LRRC37A2: variants seen among roughly 807,000 people sequenced by gnomAD.
The protein encoded by LRRC37A2 is leucine-rich repeat-containing protein 37A2.
A neutral mutation model predicts 68.8 loss-of-function variants in LRRC37A2; 9 were observed. The observed-to-expected ratio is 0.13, with a 90% CI of 0.08 to 0.23. LRRC37A2 has a LOEUF of 0.23. Among genes scored for constraint, LRRC37A2 ranks in the 10% least tolerant of loss-of-function variants. The pLI, the probability that LRRC37A2 is intolerant of heterozygous loss-of-function variation, is 1.00. For missense variants in LRRC37A2, 168 were observed against 950.4 expected (o/e 0.18, Z 10.82); for synonymous variants, 63 against 367.6 (o/e 0.17, Z 9.48).
chr17:47,019,507 C>T, the LRRC37A2 span: 7 of 1,544,156 alleles, frequency 4.5e-6, no homozygotes, highest in Non-Finnish European at 6.3e-6. Flanking sequence ...CTGGAGAAGA[C>T]TACAGCTCCT....
chr17:47,006,124 A>G, the LRRC37A2 span, among the ~76,000 whole-genome samples: 3 of 151,920 alleles, frequency 2.0e-5, no homozygotes, highest in South Asian at 2.1e-4. Context: ...GTGGGCCAAG[A>G]TTGCACCATT....
chr17:46,879,254 TC>T, the LRRC37A2 span, among the ~76,000 whole-genome samples: 1 of 152,022 alleles, frequency 6.6e-6, no homozygotes, highest in African/African-American at 2.4e-5. Context: ...CCTGACCGGG[TC>T]CCCCACTGAG....
the LRRC37A2 span, among the ~76,000 whole-genome samples, chr17:46,739,467 A>T: frequency 6.7e-6 from 1 of 149,430 alleles, no homozygotes; most frequent in Non-Finnish European, 1.5e-5. Context: ...TGAGCCCAGG[A>T]GGTCGAGGCT....
chr17:46,974,037 T>A, the LRRC37A2 span, among the ~76,000 whole-genome samples: 2 of 152,148 alleles, frequency 1.3e-5, no homozygotes, highest in South Asian at 4.1e-4. Flanking sequence ...GACAAGTAAG[T>A]AAGAAAGTAA....
At chr17:46,971,033 T>A in the LRRC37A2 span, among the ~76,000 whole-genome samples, 1 of 152,350 alleles carries the variant, frequency 6.6e-6, no homozygotes, top group Non-Finnish European at 1.5e-5. Flanking sequence ...TTTGTTGCTA[T>A]AAATGTTAAT....
At chr17:46,812,193 G>T in the LRRC37A2 span, among the ~76,000 whole-genome samples, 1 of 152,060 alleles carries the variant, frequency 6.6e-6, no homozygotes, top group African/African-American at 2.4e-5. Context: ...CTCTCACTGA[G>T]AGCAGGGAAT....
chr17:46,827,896 G>A, the LRRC37A2 span, among the ~76,000 whole-genome samples: 4 of 149,910 alleles, frequency 2.7e-5, no homozygotes, highest in African/African-American at 7.4e-5. Flanking sequence ...TGCAAGCTCC[G>A]CGCCCCAGGT....
chr17:46,868,778 A>C, the LRRC37A2 span, among the ~76,000 whole-genome samples: 2 of 152,152 alleles, frequency 1.3e-5, no homozygotes, highest in African/African-American at 4.8e-5. Flanking sequence ...CAGGGCTGGG[A>C]TGCCAAACAG....
At chr17:46,767,936 C>T in the LRRC37A2 span, among the ~76,000 whole-genome samples, 1 of 152,058 alleles carries the variant, frequency 6.6e-6, no homozygotes, top group African/African-American at 2.4e-5. Flanking sequence ...TTACAGGCAC[C>T]TGCCACAACG....
chr17:46,605,429 CAA>C, the LRRC37A2 span, among the ~76,000 whole-genome samples: 2 of 127,232 alleles, frequency 1.6e-5, no homozygotes, highest in African/African-American at 6.0e-5. Context: ...GCCTGGGCAA[CAA>C]GAGCAAAACT....
the LRRC37A2 span, among the ~76,000 whole-genome samples, chr17:47,036,375 GA>G: frequency 1.3e-5 from 2 of 151,542 alleles, no homozygotes; most frequent in Non-Finnish European, 2.9e-5. Flanking sequence ...TGTTTTAAAA[GA>G]AAAAAAATCC....
the LRRC37A2 span, among the ~76,000 whole-genome samples, chr17:46,746,894 C>G: frequency 6.6e-6 from 1 of 152,054 alleles, no homozygotes; most frequent in East Asian, 1.9e-4. Context: ...TGGAGAGGTG[C>G]CATACTACAA....
At chr17:46,398,102 G>T in the LRRC37A2 span, among the ~76,000 whole-genome samples, 4,852 of 83,682 alleles carry the variant, frequency 0.058, 36 homozygotes, top group African/African-American at 0.15. Context: ...TCCAGCCTGG[G>T]TGATAAAGCC....
At chr17:46,750,008 C>T in the LRRC37A2 span, 1 of 1,322,950 alleles carries the variant, frequency 7.6e-7, no homozygotes, top group South Asian at 1.4e-5. Context: ...TTATGCTAAT[C>T]TGGAACATGG....
At chr17:46,963,758 G>C in the LRRC37A2 span, 95 of 152,254 alleles carry the variant, frequency 6.2e-4, no homozygotes, top group African/African-American at 2.2e-3. Context: ...GTCACCACTG[G>C]AGAAGCTTGA....
At chr17:46,783,084 T>G in the LRRC37A2 span, among the ~76,000 whole-genome samples, 1 of 152,190 alleles carries the variant, frequency 6.6e-6, no homozygotes, top group Non-Finnish European at 1.5e-5. Context: ...GCTAGTTCAT[T>G]CTCTCAACGG....
At chr17:46,716,971 T>C in the LRRC37A2 span, among the ~76,000 whole-genome samples, 2 of 152,246 alleles carry the variant, frequency 1.3e-5, no homozygotes, top group African/African-American at 2.4e-5. Flanking sequence ...TCCCTTTTTG[T>C]TGGACAATTA....
the LRRC37A2 span, among the ~76,000 whole-genome samples, chr17:46,815,916 G>A: frequency 6.6e-6 from 1 of 152,112 alleles, no homozygotes; most frequent in South Asian, 2.1e-4. Flanking sequence ...GATATTCACA[G>A]CCACACAGCC....
the LRRC37A2 span, among the ~76,000 whole-genome samples, chr17:46,728,503 C>T: frequency 6.6e-6 from 1 of 151,870 alleles, no homozygotes; most frequent in South Asian, 2.1e-4. Flanking sequence ...ATTATGGCAA[C>T]CTATAATCCC....
Sources: allele counts gnomAD v4.1 joint callset (sites outside exome capture counted in the v4.1 genomes callset), GRCh38; gene constraint gnomAD v4.1.1; transcripts MANE v1.5; gene names NCBI Gene and HGNC (gene_info 2026-07-23, HGNC 2026-07-21).